SDK1: variants seen among roughly 807,000 people sequenced by gnomAD.
SDK1 encodes protein sidekick-1.
In SDK1, 157 loss-of-function variants were observed where a neutral mutation model predicts 245.5. The observed-to-expected ratio is 0.64, with a 90% CI of 0.56 to 0.73. The LOEUF is 0.73. Ranked by LOEUF, SDK1 falls within the 30% of genes least tolerant of loss-of-function variation. The pLI is 0.00. For missense variants in SDK1, 3,583 were observed against 3,002.3 expected, an observed-to-expected ratio of 1.19 and a Z score of -4.52; for synonymous variants, 1,647 against 1,278.5, an observed-to-expected ratio of 1.29 and a Z score of -6.15.
chr7:3,994,692 C>T (rs1784572021), intron 14 of SDK1, among the ~76,000 whole-genome samples: 1 of 151,874 alleles, frequency 6.6e-6, no homozygotes, highest in African/African-American at 2.4e-5. Context: ...GACTCCTTCA[C>T]CATTAATTCT....
chr7:4,240,880 G>C (rs796240742), intron 42 of SDK1, among the ~76,000 whole-genome samples: 15 of 152,282 alleles, frequency 9.9e-5, no homozygotes, highest in African/African-American at 3.6e-4. Flanking sequence ...AGAGCCCCAG[G>C]GGGAGAAACC....
intron 1 of SDK1, among the ~76,000 whole-genome samples, chr7:3,418,465 G>A (rs1779441804): frequency 6.6e-6 from 1 of 152,236 alleles, no homozygotes; most frequent in South Asian, 2.1e-4. Flanking sequence ...AGAGGTTTCT[G>A]ATCTCTGCTT....
intron 1 of SDK1, among the ~76,000 whole-genome samples, chr7:3,556,754 A>G (rs1779599057): frequency 6.6e-6 from 1 of 152,274 alleles, no homozygotes; most frequent in Middle Eastern, 3.4e-3. Flanking sequence ...AGATCACGCC[A>G]CTGCACTCCA....
Position 4,265,232 on chromosome 7 carries a change from G to T in SDK1, c.6490G>T (p.Ala2164Ser), listed in dbSNP as rs764664080. Reference protein sequence around the residue: ...NSWKRRAQGRAPAPHRYEAVA... With the variant: ...NSWKRRAQGRSPAPHRYEAVA... ...ATGGAAGCGCAGGGCCCAGGGCCGCGCACCTGCGCCGCACAGGTACGAGGC... is the reference window on the plus strand; with the variant it reads ...ATGGAAGCGCAGGGCCCAGGGCCGCTCACCTGCGCCGCACAGGTACGAGGC... The change falls in exon 45 of 45, where the codon GCA becomes TCA. Residue 2164 changes from alanine to serine, a missense_variant. Coordinates refer to ENST00000404826, the MANE Select transcript of SDK1 (RefSeq NM_152744.4). 5.0e-6 allele frequency: 8 copies of T among 1,608,130 alleles called. No individual in the cohort carries two copies. The African/African-American group carries it at 9.3e-5, about 19-fold the overall frequency.
chr7:3,358,424 A>G (rs894893321), intron 1 of SDK1, among the ~76,000 whole-genome samples: 18 of 119,316 alleles, frequency 1.5e-4, no homozygotes, highest in African/African-American at 6.7e-4. Context: ...GCTAATCATT[A>G]CAACGTTTTT....
At chr7:3,577,778 G>A (rs1780340864) in intron 1 of SDK1, among the ~76,000 whole-genome samples, 1 of 151,982 alleles carries the variant, frequency 6.6e-6, no homozygotes, top group Admixed American at 6.6e-5. Flanking sequence ...GCTTTTGTAT[G>A]GTCATATTGT....
Position 3,301,581 on chromosome 7 carries a change from C to G in SDK1, c.-6C>G, listed in dbSNP as rs1004096540. On this transcript the variant is annotated 5_prime_UTR_variant, in exon 1 of 45. Coordinates refer to ENST00000404826, the MANE Select transcript of SDK1 (RefSeq NM_152744.4). ...GGCGCGGCGCTCGGGGTGGCGGCTGCTCGGCATGGCCCGGGGCGCCCGGCC... is the reference window on the plus strand; with the variant it reads ...GGCGCGGCGCTCGGGGTGGCGGCTGGTCGGCATGGCCCGGGGCGCCCGGCC... 6.2e-6 allele frequency: 6 copies of G among 962,862 alleles called. No individual in the cohort carries two copies. The highest frequency in any genetic ancestry group is 6.4e-5 in the Admixed American group (1 of 15,586). The allele number at this position is 962,862 out of a possible 1,614,324, so 59.6% of individuals were successfully genotyped here. A position where few individuals can be genotyped will look rare whatever the true frequency, so the allele number is the denominator to read the frequency against.
chr7:3,667,044 T>G (rs1783556929), intron 4 of SDK1, among the ~76,000 whole-genome samples: 1 of 152,168 alleles, frequency 6.6e-6, no homozygotes, highest in Non-Finnish European at 1.5e-5. Flanking sequence ...GACTTGTTCT[T>G]TCCATTAAGT....
intron 4 of SDK1, among the ~76,000 whole-genome samples, chr7:3,666,986 G>T (rs1471108358): frequency 6.6e-6 from 1 of 152,008 alleles, no homozygotes; most frequent in Non-Finnish European, 1.5e-5. Context: ...AAGGACTTGT[G>T]TTTGGTGTTT....
intron 4 of SDK1, among the ~76,000 whole-genome samples, chr7:3,747,631 T>C (rs1234397560): frequency 6.6e-6 from 1 of 151,972 alleles, no homozygotes; most frequent in African/African-American, 2.4e-5. Context: ...TAATCACTAG[T>C]GTTGAAAGAG....
chr7:4,044,339 C>G (rs1788858703), intron 17 of SDK1, among the ~76,000 whole-genome samples: 1 of 152,232 alleles, frequency 6.6e-6, no homozygotes, highest in Non-Finnish European at 1.5e-5. Flanking sequence ...TTATTAGGAC[C>G]TGGATCATAC....
At chr7:3,413,212 C>G (rs1779261269) in intron 1 of SDK1, among the ~76,000 whole-genome samples, 3 of 152,022 alleles carry the variant, frequency 2.0e-5, no homozygotes, top group African/African-American at 7.3e-5. Context: ...GATCTTGAGC[C>G]AAGAGTAGGC....
chr7:3,978,397 A>G (rs573288451), intron 13 of SDK1, among the ~76,000 whole-genome samples: 3 of 152,388 alleles, frequency 2.0e-5, no homozygotes, highest in Non-Finnish European at 4.4e-5. Flanking sequence ...CTGTATGTAT[A>G]AAATAATAGG....
At chr7:3,963,002 T>A (rs1781821739) in intron 9 of SDK1, 151 bp downstream of exon 9, 2 of 549,802 alleles carry the variant, frequency 3.6e-6, no homozygotes, top group South Asian at 5.2e-5. Context: ...GCTCCATGGC[T>A]ACCTGGATGT....
At chr7:3,797,863 T>C (rs1302845252) in intron 4 of SDK1, among the ~76,000 whole-genome samples, 1 of 152,204 alleles carries the variant, frequency 6.6e-6, no homozygotes, top group African/African-American at 2.4e-5. Flanking sequence ...GTCTTTCAGC[T>C]CACTTTTCTG....
At chr7:3,820,054 A>G (rs1779605920) in intron 4 of SDK1, among the ~76,000 whole-genome samples, 1 of 152,212 alleles carries the variant, frequency 6.6e-6, no homozygotes, top group South Asian at 2.1e-4. Flanking sequence ...TGTTTTTGAA[A>G]TAAGAGCTTA....
At chr7:3,998,074 G>A (rs919235194) in intron 14 of SDK1, among the ~76,000 whole-genome samples, 13 of 152,238 alleles carry the variant, frequency 8.5e-5, no homozygotes, top group Admixed American at 1.3e-4. Context: ...CTCCCAGCCC[G>A]CCAAGAGCAC....
intron 5 of SDK1, among the ~76,000 whole-genome samples, chr7:3,949,693 A>G (rs975424573): frequency 6.6e-6 from 1 of 152,174 alleles, no homozygotes; most frequent in Admixed American, 6.5e-5. Flanking sequence ...TACTGTGGGT[A>G]GTTTAATTTT....
At chr7:4,021,625 C>T (rs562545592) in intron 17 of SDK1, among the ~76,000 whole-genome samples, 6 of 152,292 alleles carry the variant, frequency 3.9e-5, no homozygotes, top group East Asian at 3.9e-4. Context: ...CCAGCCATTG[C>T]GTCCCCACTC....
Sources: allele counts gnomAD v4.1 joint callset (sites outside exome capture counted in the v4.1 genomes callset), GRCh38; gene constraint gnomAD v4.1.1; transcripts MANE v1.5; gene names NCBI Gene and HGNC (gene_info 2026-07-23, HGNC 2026-07-21).